Variants in TMEM132B observed in about 807,000 individuals in gnomAD.
TMEM132B encodes transmembrane protein 132B.
TMEM132B carries 18 observed loss-of-function variants against 90.8 expected under a neutral mutation model. The observed-to-expected ratio is 0.20, with a 90% CI of 0.14 to 0.29. The LOEUF (loss-of-function observed/expected upper bound fraction) is 0.29, where lower values mean the gene tolerates loss of function less well. TMEM132B is among the 10% of genes least tolerant of loss of function. TMEM132B has a pLI of 1.00. For missense variants in TMEM132B, 1,096 were observed against 1,326.8 expected, an observed-to-expected ratio of 0.83 and a Z score of 2.70; for synonymous variants, 504 against 523.3, an observed-to-expected ratio of 0.96 and a Z score of 0.50.
chr12:125,243,495 G>A (rs1874136980), intron 1 of TMEM132B, among the ~76,000 whole-genome samples: 1 of 152,080 alleles, frequency 6.6e-6, no homozygotes, highest in Non-Finnish European at 1.5e-5. Context: ...TAGTAGAGAT[G>A]GGGTTTGACC....
At chr12:125,362,610 C>G (rs1332738433) in intron 2 of TMEM132B, among the ~76,000 whole-genome samples, 1 of 152,170 alleles carries the variant, frequency 6.6e-6, no homozygotes, top group African/African-American at 2.4e-5. Context: ...ATAGCAATGT[C>G]CCATTTCTCC....
intron 1 of TMEM132B, among the ~76,000 whole-genome samples, chr12:125,202,198 TG>T: frequency 6.6e-6 from 1 of 152,250 alleles, no homozygotes; most frequent in South Asian, 2.1e-4. Flanking sequence ...TTGAAAGCGC[TG>T]GGGAAGAAGT....
At chr12:125,232,122 GTCA>G (rs1340504759) in intron 1 of TMEM132B, among the ~76,000 whole-genome samples, 1 of 152,088 alleles carries the variant, frequency 6.6e-6, no homozygotes, top group Non-Finnish European at 1.5e-5. Flanking sequence ...CTGTGTAGTG[GTCA>G]TCGTCTTCAT....
intron 4 of TMEM132B, among the ~76,000 whole-genome samples, chr12:125,564,263 T>C (rs183291070): frequency 1.3e-5 from 2 of 152,360 alleles, no homozygotes; most frequent in South Asian, 2.1e-4. Flanking sequence ...TCAATGCTTA[T>C]GTATATTAAG....
At chr12:125,623,739 C>T (rs904560429) in intron 5 of TMEM132B, among the ~76,000 whole-genome samples, 1 of 152,222 alleles carries the variant, frequency 6.6e-6, no homozygotes, top group Non-Finnish European at 1.5e-5. Context: ...CTTAGTTGGG[C>T]TTCCTGCAGG....
At chr12:125,588,101 A>G (rs1051364040) in intron 5 of TMEM132B, 6 of 152,164 alleles carry the variant, frequency 3.9e-5, no homozygotes, top group Non-Finnish European at 8.8e-5. Context: ...AATATAAAGA[A>G]AAAGACTGCA....
intron 4 of TMEM132B, among the ~76,000 whole-genome samples, chr12:125,538,127 A>G (rs2084642498): frequency 6.6e-6 from 1 of 152,316 alleles, no homozygotes; most frequent in Admixed American, 6.5e-5. Context: ...GGATGGAAAC[A>G]TTGTCGATCA....
At chr12:125,427,941 G>A (rs1002800146) in intron 3 of TMEM132B, among the ~76,000 whole-genome samples, 23 of 152,122 alleles carry the variant, frequency 1.5e-4, no homozygotes, top group African/African-American at 5.6e-4. Context: ...ATTTCTGATG[G>A]GGTGTTGAAG....
At chr12:125,385,301 A>T (rs1878797776) in intron 2 of TMEM132B, among the ~76,000 whole-genome samples, 2 of 148,858 alleles carry the variant, frequency 1.3e-5, no homozygotes, top group Non-Finnish European at 1.5e-5. Flanking sequence ...TTGAAGGGAT[A>T]AAAAAAAACT....
intron 2 of TMEM132B, among the ~76,000 whole-genome samples, chr12:125,385,008 C>T (rs1247872923): frequency 3.9e-5 from 6 of 152,176 alleles, no homozygotes. Context: ...CTCCCCCAGA[C>T]CCTGATAACC....
chr12:125,501,533 A>G (rs1382052013), intron 3 of TMEM132B, among the ~76,000 whole-genome samples: 2 of 149,968 alleles, frequency 1.3e-5, no homozygotes, highest in Non-Finnish European at 3.0e-5. Flanking sequence ...CCCTTTCCCC[A>G]CCCCACCCCC....
intron 5 of TMEM132B, among the ~76,000 whole-genome samples, chr12:125,630,527 T>C (rs890111740): frequency 3.3e-5 from 5 of 152,140 alleles, no homozygotes; most frequent in Admixed American, 1.3e-4. Flanking sequence ...ATCTTATCTC[T>C]TTTTTTCTTA....
intron 6 of TMEM132B, among the ~76,000 whole-genome samples, chr12:125,647,840 C>T (rs1886804123): frequency 6.6e-6 from 1 of 150,410 alleles, no homozygotes; most frequent in African/African-American, 2.4e-5. Context: ...AAAATTATGA[C>T]ATTATGTGAT....
intron 3 of TMEM132B, among the ~76,000 whole-genome samples, chr12:125,486,797 A>C (rs1381681581): frequency 2.6e-5 from 4 of 152,180 alleles, no homozygotes; most frequent in Non-Finnish European, 5.9e-5. Context: ...GACTGACTTA[A>C]TATCTTCATT....
chr12:125,537,435 A>G (rs1377570039), intron 4 of TMEM132B, among the ~76,000 whole-genome samples: 2 of 152,182 alleles, frequency 1.3e-5, no homozygotes, highest in Non-Finnish European at 2.9e-5. Flanking sequence ...GGCTACTTCT[A>G]CTGTTCCTGG....
chr12:125,239,390 A>G (rs1874012535), intron 1 of TMEM132B, among the ~76,000 whole-genome samples: 1 of 152,208 alleles, frequency 6.6e-6, no homozygotes, highest in African/African-American at 2.4e-5. Context: ...GGCTTTAAGA[A>G]AAAAAATTCC....
intron 1 of TMEM132B, among the ~76,000 whole-genome samples, chr12:125,227,911 A>G (rs1873718262): frequency 6.6e-6 from 1 of 152,172 alleles, no homozygotes; most frequent in Non-Finnish European, 1.5e-5. Flanking sequence ...AGTGTTGCTC[A>G]GCAGGACTGG....
At chr12:125,558,665 C>G (rs963507523) in intron 4 of TMEM132B, among the ~76,000 whole-genome samples, 2 of 152,206 alleles carry the variant, frequency 1.3e-5, no homozygotes, top group African/African-American at 4.8e-5. Context: ...AGAGCCAGCA[C>G]TTTCTTGTAT....
intron 2 of TMEM132B, among the ~76,000 whole-genome samples, chr12:125,350,848 G>A (rs1355399154): frequency 3.3e-5 from 5 of 152,230 alleles, no homozygotes; most frequent in Non-Finnish European, 7.3e-5. Flanking sequence ...GGAAAGGGAG[G>A]TCAGGGGCGT....
Sources: gnomAD v4.1 joint callset for allele counts (sites outside exome capture counted in the v4.1 genomes callset) on GRCh38, gnomAD v4.1.1 for gene constraint, MANE v1.5 for transcripts, NCBI Gene and HGNC (gene_info 2026-07-23, HGNC 2026-07-21) for gene names.